The following HMBOX1 variants were observed in gnomAD, a reference collection of about 807,000 sequenced individuals.
HMBOX1 encodes the protein homeobox containing 1.
In HMBOX1, 14 loss-of-function variants were observed where a neutral mutation model predicts 54.5. That is an observed-to-expected ratio of 0.26 (90% CI 0.17 to 0.40). HMBOX1 has a LOEUF of 0.40. HMBOX1 is among the 10% of genes least tolerant of loss of function. The pLI is 1.00. For synonymous variants in HMBOX1, 160 were observed against 181.0 expected (o/e 0.88, Z 0.93); for missense variants, 332 against 514.4 (o/e 0.65, Z 3.43).
chr8:29,036,234 T>C (rs1284802298), intron 6 of HMBOX1, among the ~76,000 whole-genome samples: 2 of 152,206 alleles, frequency 1.3e-5, no homozygotes, highest in African/African-American at 4.8e-5. Context: ...AGAAAAACTT[T>C]ATGTTAGGGC....
intron 1 of HMBOX1, among the ~76,000 whole-genome samples, chr8:28,947,166 T>C (rs1822615433): frequency 6.6e-6 from 1 of 152,206 alleles, no homozygotes; most frequent in Admixed American, 6.5e-5. Flanking sequence ...TTTTTATGTC[T>C]GTTAGCAAGG....
chr8:29,030,480 A>G (rs559168947), intron 6 of HMBOX1, among the ~76,000 whole-genome samples: 3 of 152,168 alleles, frequency 2.0e-5, no homozygotes, highest in African/African-American at 7.2e-5. Context: ...TGGCCTCCCA[A>G]ACTGCTGGGA....
chr8:28,926,772 T>C (rs1387958041), intron 1 of HMBOX1, among the ~76,000 whole-genome samples: 1 of 152,174 alleles, frequency 6.6e-6, no homozygotes. Flanking sequence ...GTCACTCTTC[T>C]GGCCTCAATG....
chr8:28,911,500 T>G (rs528101122), intron 1 of HMBOX1, among the ~76,000 whole-genome samples: 1 of 152,168 alleles, frequency 6.6e-6, no homozygotes, highest in South Asian at 2.1e-4. Flanking sequence ...GGATTACAAG[T>G]GCCTGCCACC....
chr8:29,009,693 G>T (rs2132849574), intron 5 of HMBOX1: 1 of 1,287,266 alleles, frequency 7.8e-7, no homozygotes, highest in African/African-American at 1.5e-5. Context: ...GGATGCAGCT[G>T]CCCTGATGAC....
chr8:29,001,882 T>C (rs1432890387), intron 4 of HMBOX1, among the ~76,000 whole-genome samples: 1 of 152,222 alleles, frequency 6.6e-6, no homozygotes, highest in African/African-American at 2.4e-5. Context: ...CAACTATGAA[T>C]TCAGAACAGA....
chr8:29,031,698 A>G (rs1802991205), intron 6 of HMBOX1, among the ~76,000 whole-genome samples: 2 of 152,178 alleles, frequency 1.3e-5, no homozygotes, highest in South Asian at 4.1e-4. Context: ...GTACTTTGGT[A>G]TGGCTTTAGG....
chr8:29,040,434 T>G (rs1804645277), intron 6 of HMBOX1, among the ~76,000 whole-genome samples: 1 of 152,218 alleles, frequency 6.6e-6, no homozygotes, highest in Non-Finnish European at 1.5e-5. Flanking sequence ...TAAAAAAATC[T>G]TATTACTTTT....
At chr8:28,941,718 T>A (rs1208597737) in intron 1 of HMBOX1, among the ~76,000 whole-genome samples, 3 of 151,776 alleles carry the variant, frequency 2.0e-5, no homozygotes, top group Non-Finnish European at 4.4e-5. Flanking sequence ...AGCCTAAGTT[T>A]AAAAAAAAAT....
chr8:28,956,518 G>GT (rs572977556), intron 1 of HMBOX1, among the ~76,000 whole-genome samples: 72 of 149,532 alleles, frequency 4.8e-4, no homozygotes, highest in Non-Finnish European at 7.2e-4. Context: ...AAATGCAATT[G>GT]TTTTTTTTGC....
chr8:28,968,432 C>G (rs768605281), intron 2 of HMBOX1, among the ~76,000 whole-genome samples: 3 of 152,178 alleles, frequency 2.0e-5, no homozygotes, highest in Admixed American at 6.5e-5. Context: ...TCAATAAGAT[C>G]TAGGCTTAAA....
chr8:29,021,436 A>G (rs961518380), intron 6 of HMBOX1, among the ~76,000 whole-genome samples: 2 of 152,118 alleles, frequency 1.3e-5, no homozygotes, highest in African/African-American at 4.8e-5. Flanking sequence ...AAAGTAAAAG[A>G]CAAATTGGAA....
At chr8:28,959,267 T>C (rs999427191) in intron 1 of HMBOX1, among the ~76,000 whole-genome samples, 2 of 152,136 alleles carry the variant, frequency 1.3e-5, no homozygotes, top group Non-Finnish European at 2.9e-5. Context: ...TTCTGTAGAA[T>C]AAGTATTACT....
chr8:28,977,944 CAAAA>C (rs60822229), intron 3 of HMBOX1, among the ~76,000 whole-genome samples: 1 of 88,484 alleles, frequency 1.1e-5, no homozygotes. Flanking sequence ...ACTCTGTCTC[CAAAA>C]AAAAAAAAAA....
At chr8:28,924,933 T>C (rs1052612309) in intron 1 of HMBOX1, among the ~76,000 whole-genome samples, 1 of 149,104 alleles carries the variant, frequency 6.7e-6, no homozygotes, top group African/African-American at 2.5e-5. Flanking sequence ...TTTTTTTTTC[T>C]AATAGTTGAA....
intron 1 of HMBOX1, among the ~76,000 whole-genome samples, chr8:28,902,441 T>C (rs1250692355): frequency 6.6e-6 from 1 of 152,180 alleles, no homozygotes; most frequent in Non-Finnish European, 1.5e-5. Flanking sequence ...TTGGTTTTGA[T>C]AGGATCAGAA....
chr8:28,992,292 G>T (rs1338128106), intron 4 of HMBOX1, among the ~76,000 whole-genome samples: 1 of 152,160 alleles, frequency 6.6e-6, no homozygotes, highest in Non-Finnish European at 1.5e-5. Flanking sequence ...TGGATTAAAT[G>T]AGTTAGTTTT....
intron 4 of HMBOX1, among the ~76,000 whole-genome samples, chr8:29,001,104 G>GC (rs1377927492): frequency 1.3e-5 from 2 of 152,078 alleles, no homozygotes; most frequent in East Asian, 3.9e-4. Flanking sequence ...AGGAAAGCTG[G>GC]CCCCCAAAAT....
At chr8:28,941,277 ATAAAT>A (rs1468526786) in intron 1 of HMBOX1, among the ~76,000 whole-genome samples, 1 of 152,222 alleles carries the variant, frequency 6.6e-6, no homozygotes, top group East Asian at 1.9e-4. Flanking sequence ...CATCAGTTAG[ATAAAT>A]TGAATTGAAA....
Sources: gnomAD v4.1 joint callset for allele counts (sites outside exome capture counted in the v4.1 genomes callset) on GRCh38, gnomAD v4.1.1 for gene constraint, MANE v1.5 for transcripts, NCBI Gene and HGNC (gene_info 2026-07-23, HGNC 2026-07-21) for gene names.